The following SCG5 variants were observed in gnomAD, a reference collection of about 807,000 sequenced individuals.
SCG5 encodes neuroendocrine protein 7B2.
In SCG5, 18 loss-of-function variants were observed where a neutral mutation model predicts 25.7. The ratio of observed to expected loss-of-function variants is 0.70; its 90% CI spans 0.48 to 1.04. The LOEUF (loss-of-function observed/expected upper bound fraction) is 1.04, where lower values mean the gene tolerates loss of function less well. Ranked by LOEUF, SCG5 falls within the 50% of genes least tolerant of loss-of-function variation. The pLI is 0.00. For missense variants in SCG5, 206 were observed against 259.8 expected (o/e 0.79, Z 1.42); for synonymous variants, 101 against 91.7 (o/e 1.10, Z -0.58).
chr15:32,686,572 T>G (rs1397536548), intron 4 of SCG5, among the ~76,000 whole-genome samples: 6 of 151,694 alleles, frequency 4.0e-5, no homozygotes, highest in Non-Finnish European at 8.8e-5. Context: ...AAGAGAGGAA[T>G]AGAGGGAGGA....
intron 1 of SCG5, among the ~76,000 whole-genome samples, chr15:32,643,085 G>A (rs2140492446): frequency 6.6e-6 from 1 of 152,264 alleles, no homozygotes; most frequent in South Asian, 2.1e-4. Context: ...TTGCTAAACT[G>A]AAATGTTTCC....
At chr15:32,685,836 G>A (rs1311924413) in intron 4 of SCG5, among the ~76,000 whole-genome samples, 2 of 152,208 alleles carry the variant, frequency 1.3e-5, no homozygotes, top group Non-Finnish European at 2.9e-5. Context: ...GAGTGAATGA[G>A]CAAATATTCC....
At chr15:32,642,326 G>A (rs892962436) in intron 1 of SCG5, among the ~76,000 whole-genome samples, 2 of 151,976 alleles carry the variant, frequency 1.3e-5, no homozygotes, top group African/African-American at 4.8e-5. Context: ...CGCTTTGGGA[G>A]GCTGAGGGGA....
At chr15:32,663,171 C>A (rs2054266986) in intron 2 of SCG5, among the ~76,000 whole-genome samples, 1 of 148,962 alleles carries the variant, frequency 6.7e-6, no homozygotes, top group Non-Finnish European at 1.5e-5. Flanking sequence ...AGATATAATT[C>A]ACATACTATA....
chr15:32,688,022 C>T (rs1347206219), intron 4 of SCG5, among the ~76,000 whole-genome samples: 1 of 152,162 alleles, frequency 6.6e-6, no homozygotes, highest in South Asian at 2.1e-4. Flanking sequence ...TCTCACTTTC[C>T]AGATGAGAAA....
intron 2 of SCG5, among the ~76,000 whole-genome samples, chr15:32,678,383 A>G (rs547023322): frequency 1.7e-4 from 26 of 152,372 alleles, no homozygotes; most frequent in African/African-American, 5.8e-4. Flanking sequence ...TTCCAAGAGC[A>G]TAAACAAACA....
intron 1 of SCG5, among the ~76,000 whole-genome samples, chr15:32,642,231 C>T (rs1454163524): frequency 6.6e-6 from 1 of 151,926 alleles, no homozygotes; most frequent in Non-Finnish European, 1.5e-5. Flanking sequence ...TGCCTCCTCC[C>T]ACCTCTCCAT....
intron 2 of SCG5, among the ~76,000 whole-genome samples, chr15:32,654,901 C>A (rs541942968): frequency 3.9e-5 from 6 of 152,200 alleles, no homozygotes; most frequent in African/African-American, 7.2e-5. Flanking sequence ...GATTATCCAG[C>A]CTTCGCAACA....
In SCG5 at chr15:32,684,568, T is replaced by A. The variant is rs1205137308; in HGVS notation, c.388T>A (p.Cys130Ser). 1.2e-6 allele frequency: 2 copies of A among 1,611,300 alleles called. No individual in the cohort carries two copies. Among genetic ancestry groups the A allele is most frequent in the Non-Finnish European group, 8.5e-7 (1 of 1,177,850 alleles). The part of the protein sequence containing the change: ...CPVGKTADDG[C>S]LENTPDTAEF... Reference sequence around the variant, plus strand: ...TTGGCTGTTTGCAGCAGATGATGGATGTCTAGAAAACACCCCTGACACTGC... The same window carrying A: ...TTGGCTGTTTGCAGCAGATGATGGAAGTCTAGAAAACACCCCTGACACTGC... The change falls in exon 4 of 6, where the codon TGT (cysteine) becomes AGT (serine). Residue 130 changes from cysteine (C) to serine (S), a missense_variant. Transcript: ENST00000300175.
At chr15:32,653,959 A>C (rs971401888) in intron 2 of SCG5, among the ~76,000 whole-genome samples, 20 of 152,184 alleles carry the variant, frequency 1.3e-4, no homozygotes, top group African/African-American at 4.8e-4. Context: ...ATTATAATCC[A>C]CATAAATATG....
intron 1 of SCG5, among the ~76,000 whole-genome samples, chr15:32,642,610 G>A (rs1022691489): frequency 1.4e-5 from 2 of 140,930 alleles, no homozygotes; most frequent in Non-Finnish European, 3.1e-5. Context: ...TTGCAAGGCC[G>A]CTGCCTGAAG....
chr15:32,677,405 A>G (rs2054549261), intron 2 of SCG5, among the ~76,000 whole-genome samples: 2 of 152,248 alleles, frequency 1.3e-5, no homozygotes, highest in African/African-American at 4.8e-5. Context: ...ACTGAGATCT[A>G]GTCATGATTC....
rs2054970470 is a variant in SCG5, at chr15:32,696,583, T to G, written c.613T>G (p.Ser205Ala). The change falls in exon 6 of 6, where the codon TCA becomes GCA. Residue 205 changes from serine (S) to alanine (A), a missense_variant. By Grantham distance (99) the Ser-to-Ala change is moderately conservative. Coordinates refer to ENST00000300175, the MANE Select transcript of SCG5 (RefSeq NM_001144757.3). ...VVAKKSVPHFSDEDKDPE is the reference protein window; with the variant it reads ...VVAKKSVPHFADEDKDPE Reference sequence around the variant, plus strand: ...TGCAAAGAAGTCTGTCCCCCATTTTTCAGATGAGGATAAGGATCCAGAGTA... The same window carrying G: ...TGCAAAGAAGTCTGTCCCCCATTTTGCAGATGAGGATAAGGATCCAGAGTA... 6.2e-7 allele frequency: 1 copy of G among 1,612,708 alleles called. No individual in the cohort carries two copies. Among genetic ancestry groups the G allele is most frequent in the Non-Finnish European group, 8.5e-7 (1 of 1,179,216 alleles).
intron 2 of SCG5, among the ~76,000 whole-genome samples, chr15:32,651,650 G>A (rs992265293): frequency 4.6e-5 from 7 of 152,166 alleles, no homozygotes; most frequent in African/African-American, 1.7e-4. Flanking sequence ...CCGCCCAATG[G>A]GCCCATGCCT....
intron 2 of SCG5, among the ~76,000 whole-genome samples, chr15:32,648,383 C>G (rs545922324): frequency 6.6e-6 from 1 of 152,078 alleles, no homozygotes; most frequent in Non-Finnish European, 1.5e-5. Flanking sequence ...GATCCCTTTT[C>G]GATTGTTCTT....
intron 4 of SCG5, among the ~76,000 whole-genome samples, chr15:32,690,089 C>T (rs1014258154): frequency 1.3e-5 from 2 of 152,208 alleles, no homozygotes; most frequent in South Asian, 4.1e-4. Context: ...GATCCTCCCA[C>T]CTCGGCCTCC....
chr15:32,645,063 A>G (rs1040418807), intron 2 of SCG5, among the ~76,000 whole-genome samples: 2 of 152,278 alleles, frequency 1.3e-5, no homozygotes, highest in Admixed American at 6.5e-5. Context: ...CAAACCTAGC[A>G]CATGGCTTGA....
chr15:32,647,940 A>G (rs776217716), intron 2 of SCG5, among the ~76,000 whole-genome samples: 17 of 151,844 alleles, frequency 1.1e-4, no homozygotes, highest in Non-Finnish European at 2.2e-4. Context: ...TTCTCTATCT[A>G]CTTGATCTCA....
chr15:32,681,323 G>C (rs764291253), intron 3 of SCG5, among the ~76,000 whole-genome samples: 2 of 152,038 alleles, frequency 1.3e-5, no homozygotes, highest in Non-Finnish European at 2.9e-5. Flanking sequence ...CAGAAGCTTA[G>C]AGAGTAGCTT....
Sources: gnomAD v4.1 joint callset for allele counts (sites outside exome capture counted in the v4.1 genomes callset) on GRCh38, gnomAD v4.1.1 for gene constraint, MANE v1.5 for transcripts, NCBI Gene and HGNC (gene_info 2026-07-23, HGNC 2026-07-21) for gene names.